Variants in TLN1 observed in about 807,000 individuals in gnomAD.
TLN1 encodes the protein talin-1.
TLN1 carries 56 observed loss-of-function variants against 292.3 expected under a neutral mutation model. That is an observed-to-expected ratio of 0.19 (90% CI 0.15 to 0.24). The LOEUF is 0.24. Among genes scored for constraint, TLN1 ranks in the 10% least tolerant of loss-of-function variants. The pLI is 1.00. For missense variants in TLN1, 2,433 were observed against 3,248.2 expected (o/e 0.75, Z 6.10); for synonymous variants, 1,119 against 1,253.7 (o/e 0.89, Z 2.27).
rs763999167 is a variant in TLN1 at position 35,717,733 on chromosome 9, G to A, written c.2049C>T (p.Val683=). The stretch of plus-strand genomic sequence containing the variant: ...GCTGGGCCACACTCTTGGCCTTGAG[G>A]ACCAGGGCAGCTGCAGCACTTGCCA... ...KAVASAAAAL[V]LKAKSVAQRT... The change falls in exon 18 of 57, where the codon GTC becomes GTT. Residue 683 remains valine, a synonymous_variant. Transcript: ENST00000314888. The surrounding 1 kb of genome is among the most constrained non-coding windows in gnomAD (Gnocchi z 4.7). 1 of 1,612,896 alleles carries A rather than the reference G, an allele frequency of 6.2e-7. No individual in the cohort carries two copies. The highest frequency in any genetic ancestry group is 2.2e-5 in the East Asian group (1 of 44,852).
At chr9:35,702,786 T>G (rs1464089947) in intron 48 of TLN1, among the ~76,000 whole-genome samples, 2 of 151,822 alleles carry the variant, frequency 1.3e-5, no homozygotes, top group African/African-American at 4.8e-5. Context: ...CCTCCCAAAG[T>G]GCTGGCGTGA....
In TLN1 at chr9:35,710,575, C is replaced by T. The variant is rs1240344668; in HGVS notation, c.4312G>A (p.Glu1438Lys). The T allele has an allele frequency of 6.2e-7, 1 of 1,613,454 alleles. No individual in the cohort carries two copies. Among genetic ancestry groups the T allele is most frequent in the East Asian group, 2.2e-5 (1 of 44,878 alleles). Reference sequence around the variant, plus strand: ...AGGAAAATAACCTGTGCAGCTGCCTCGGTGAAGCCACAAAGTGCCTTTGAG... The same window carrying T: ...AGGAAAATAACCTGTGCAGCTGCCTTGGTGAAGCCACAAAGTGCCTTTGAG... ...TASKALCGFT[E>K]AAAQAAYLVG... Residue 1438 changes from glutamate to lysine, a missense_variant, in exon 33 of 57, where the codon GAG becomes AAG. Physicochemically the swap from Glu to Lys is moderately conservative, Grantham distance 56 (BLOSUM62 1). Transcript: ENST00000314888.
rs1825537166 is a variant in TLN1, at chr9:35,704,930, G to A, written c.5734-115C>T. 3 of 1,278,152 alleles carry A rather than the reference G, an allele frequency of 2.3e-6. No homozygotes were observed. Among genetic ancestry groups the A allele is most frequent in the Admixed American group, 5.1e-5 (2 of 39,062 alleles). 79.2% of individuals were successfully genotyped at this position (1,278,152 alleles called of 1,614,324 possible). Reference sequence around the variant, plus strand: ...AAAACATGCATTGTAGACTAAAGAAGCAGAGAGAGAAGGTTCCCAGCACAA... The same window carrying A: ...AAAACATGCATTGTAGACTAAAGAAACAGAGAGAGAAGGTTCCCAGCACAA... On this transcript the variant is annotated intron_variant, in intron 43 of 56. Coordinates refer to ENST00000314888, the MANE Select transcript of TLN1 (RefSeq NM_006289.4). The surrounding 1 kb of genome is among the most constrained non-coding windows in gnomAD (Gnocchi z 6.9).
Position 35,714,003 on chromosome 9 carries a change from C to A in TLN1, c.3199G>T (p.Val1067Leu), listed in dbSNP as rs772738984. 6.2e-7 allele frequency: 1 copy of A among 1,614,198 alleles called. No homozygotes were observed. The highest frequency in any genetic ancestry group is 1.3e-5 in the African/African-American group (1 of 75,060). Residue 1067 changes from valine (V) to leucine (L), a missense_variant, in exon 25 of 57, where the codon GTG (valine) becomes TTG (leucine). By Grantham distance (32) the Val-to-Leu change is conservative. Around this residue, in one of 7 missense-constraint regions of TLN1, gnomAD observed 1,384 missense variants for 1,699.6 expected, o/e 0.81. Transcript: ENST00000314888. This position sits in a 1 kb window ranked among gnomAD's most constrained non-coding sequence, Gnocchi z 4.6. Reference protein sequence around the residue: ...VQNLEKDLQEVKAAARDGKLK... With the variant: ...VQNLEKDLQELKAAARDGKLK... ...TTGCCATCTCGAGCTGCTGCCTTCA[C>A]TTCCTGTAGATCTTTCTCTAGATTC... is the stretch of plus-strand genomic sequence containing the variant.
rs747300285 is a variant in TLN1 at position 35,698,895 on chromosome 9, T to C, written c.7038A>G (p.Leu2346=). Reference sequence around the variant, plus strand: ...CTGCTGCAATGGACTTGGCAGCTTCTAGTATCTGCTCCTCAAAGTTCAAGG... The same window carrying C: ...CTGCTGCAATGGACTTGGCAGCTTCCAGTATCTGCTCCTCAAAGTTCAAGG... ...DESLNFEEQI[L]EAAKSIAAAT... is the part of the protein sequence containing the mutation. The change falls in exon 53 of 57, where the codon CTA becomes CTG. Residue 2346 remains leucine (L), a synonymous_variant. Coordinates refer to ENST00000314888, the MANE Select transcript of TLN1 (RefSeq NM_006289.4). This position sits in a 1 kb window ranked among gnomAD's most constrained non-coding sequence, Gnocchi z 5.3. 8 of 1,614,046 alleles carry C rather than the reference T, an allele frequency of 5.0e-6. No homozygotes were observed. The highest frequency in any genetic ancestry group is 1.3e-5 in the African/African-American group (1 of 74,944).
chr9:35,716,702 T>C, intron 19 of TLN1, 146 bp from the exon 20 acceptor site: 3 of 863,148 alleles, frequency 3.5e-6, no homozygotes, highest in Non-Finnish European at 5.1e-6. Flanking sequence ...CTTGCATCAT[T>C]TCTTTGGGGC....
At chr9:35,701,299 A>G (rs1036089931) in intron 48 of TLN1, among the ~76,000 whole-genome samples, 2 of 152,100 alleles carry the variant, frequency 1.3e-5, no homozygotes, top group African/African-American at 2.4e-5. Context: ...TAATATATAT[A>G]TATTTCTTGC....
Position 35,724,088 on chromosome 9 carries a change from C to T in TLN1, c.655-9G>A. The T allele has an allele frequency of 6.2e-7, 1 of 1,613,454 alleles. No individual in the cohort carries two copies. The highest frequency in any genetic ancestry group is 8.5e-7 in the Non-Finnish European group (1 of 1,179,454). On this transcript the variant is annotated splice_polypyrimidine_tract_variant and intron_variant, in intron 6 of 56. Transcript: ENST00000314888. This position sits in a 1 kb window ranked among gnomAD's most constrained non-coding sequence, Gnocchi z 4.7. ...AGGATGTCATCTCGTGCCTGGAGAG[C>T]ACAGGGCAAGGAGGCGAATGTTGTG... is the stretch of plus-strand genomic sequence containing the variant.
Position 35,714,188 on chromosome 9 carries a change from T to C in TLN1, c.3120+51A>G. On this transcript the variant is annotated intron_variant, in intron 24 of 56. Transcript: ENST00000314888. The surrounding 1 kb of genome is among the most constrained non-coding windows in gnomAD (Gnocchi z 4.6). ...TGGGTTATTCTGCACAGATTTCCTC[T>C]CATCACAGGACTCCAGCCTCATCTT... The C allele has an allele frequency of 6.3e-7, 1 of 1,595,082 alleles. No homozygotes were observed. The highest frequency in any genetic ancestry group is 8.6e-7 in the Non-Finnish European group (1 of 1,166,632).
rs770947806 is a variant in TLN1, at chr9:35,711,013, A to G, written c.4089T>C (p.Cys1363=). The change falls in exon 31 of 57, where the codon TGT becomes TGC. Residue 1363 remains cysteine, a synonymous_variant. Coordinates refer to ENST00000314888, the MANE Select transcript of TLN1 (RefSeq NM_006289.4). The part of the protein sequence containing the change: ...CTQQAPGQKE[C]DNALRELETV... ...CCTCCAATTCCCGCAGGGCGTTATCACACTCCTTCTGGCCGGGTGCCTGCT... is the reference window on the plus strand; with the variant it reads ...CCTCCAATTCCCGCAGGGCGTTATCGCACTCCTTCTGGCCGGGTGCCTGCT... 53 of 1,614,076 alleles carry G rather than the reference A, an allele frequency of 3.3e-5. No homozygotes were observed. Among genetic ancestry groups the G allele is most frequent in the Non-Finnish European group, 4.4e-5 (52 of 1,180,042 alleles).
Position 35,700,033 on chromosome 9 carries a change from G to A in TLN1, c.6709C>T (p.Leu2237=). 6.2e-7 allele frequency: 1 copy of A among 1,613,564 alleles called. No individual in the cohort carries two copies. Among genetic ancestry groups the A allele is most frequent in the Non-Finnish European group, 8.5e-7 (1 of 1,179,668 alleles). Residue 2237 remains leucine, a synonymous_variant, in exon 50 of 57, where the codon CTG becomes TTG. Transcript: ENST00000314888. The stretch of plus-strand genomic sequence containing the variant: ...TTGGCACACTCCCGGCCATAGTGCA[G>A]GGCTCGAAGCCGCACATCAGGGGCC... ...EVAPDVRLRA[L]HYGRECANGY...
Position 35,715,098 on chromosome 9 carries a change from C to A in TLN1, c.2715G>T (p.Ala905=), listed in dbSNP as rs758532800. ...EGLRMATNAA[A]QNAIKKKLVQ... ...CCAGCTTTTTCTTGATGGCATTCTG[C>A]GCAGCTGCATTGGTGGCCATGCGCA... is the stretch of plus-strand genomic sequence containing the variant. The change falls in exon 21 of 57, where the codon GCG becomes GCT. Residue 905 remains alanine (A), a synonymous_variant. Transcript: ENST00000314888. 6.8e-6 allele frequency: 11 copies of A among 1,613,136 alleles called. No homozygotes were observed. The highest frequency in any genetic ancestry group is 5.0e-5 in the Admixed American group (3 of 60,002).
At position 35,715,148 on chromosome 9, in the gene TLN1, G is replaced by T. The variant is rs749822890; in HGVS notation, c.2665C>A (p.Arg889=). ...AGCCCCTCAGCTGCCTCCCGCAGCC[G>T]CTGCTGCTGCTCCTCACTGTCAGGG... ...AHPDSEEQQQ[R]LREAAEGLRM... The change falls in exon 21 of 57, where the codon CGG becomes AGG. Residue 889 remains arginine (R), a synonymous_variant. Coordinates refer to ENST00000314888, the MANE Select transcript of TLN1 (RefSeq NM_006289.4). 3 of 1,612,542 alleles carry T rather than the reference G, an allele frequency of 1.9e-6. No homozygotes were observed. In the South Asian group the frequency reaches 3.3e-5, roughly 18 times the overall value.
rs778194824 is a variant in TLN1, at chr9:35,725,192, G to A, written c.228+32C>T. The A allele has an allele frequency of 8.7e-6, 14 of 1,607,332 alleles. No homozygotes were observed. In the Admixed American group the frequency reaches 1.8e-4, roughly 21 times the overall value. On this transcript the variant is annotated intron_variant, in intron 3 of 56. Coordinates refer to ENST00000314888, the MANE Select transcript of TLN1 (RefSeq NM_006289.4). ...GAACAGGGAGAAGCTGATGGAAGGGGATGTGGTGGTCCTTGATGAAAGGAT... is the reference window on the plus strand; with the variant it reads ...GAACAGGGAGAAGCTGATGGAAGGGAATGTGGTGGTCCTTGATGAAAGGAT...
chr9:35,711,555 T>C, intron 29 of TLN1, 40 bp downstream of exon 29: 2 of 1,613,010 alleles, frequency 1.2e-6, no homozygotes, highest in South Asian at 1.1e-5. Flanking sequence ...ATCTAACCCT[T>C]AGTGGGAACC....
At chr9:35,715,461 AGGTGAGTAG>A (rs1193216948) in intron 20 of TLN1, among the ~76,000 whole-genome samples, 1 of 152,212 alleles carries the variant, frequency 6.6e-6, no homozygotes, top group Non-Finnish European at 1.5e-5. Flanking sequence ...CACACGAGTG[AGGTGAGTAG>A]GGCTTCCTGG....
chr9:35,728,757 C>A (rs1015161095), intron 1 of TLN1, among the ~76,000 whole-genome samples: 17 of 152,230 alleles, frequency 1.1e-4, no homozygotes, highest in African/African-American at 3.9e-4. Flanking sequence ...AGACATTCTC[C>A]ATTCACCCAG....
rs746990760 is a variant in TLN1 at position 35,700,181 on chromosome 9, G to C, written c.6660+10C>G. 2.5e-6 allele frequency: 4 copies of C among 1,596,036 alleles called. No homozygotes were observed. The South Asian group carries it at 4.4e-5, about 18-fold the overall frequency. ...AAGCTGCCTCACGGAAATGCCTCAA[G>C]GATTTCTACCTTGCAAGCCCGAAGC... On this transcript the variant is annotated intron_variant, in intron 49 of 56. Coordinates refer to ENST00000314888, the MANE Select transcript of TLN1 (RefSeq NM_006289.4).
Position 35,724,359 on chromosome 9 carries a change from T to G in TLN1, c.512-25A>C. The stretch of plus-strand genomic sequence containing the variant: ...ACTGGGATACAGACAGTCCCCTCAG[T>G]GCCAAACCCCCATGGCCCCTGTGCT... On this transcript the variant is annotated intron_variant, in intron 5 of 56. Coordinates refer to ENST00000314888, the MANE Select transcript of TLN1 (RefSeq NM_006289.4). This position sits in a 1 kb window ranked among gnomAD's most constrained non-coding sequence, Gnocchi z 4.7. 1 of 1,613,922 alleles carries G rather than the reference T, an allele frequency of 6.2e-7. No individual in the cohort carries two copies. The highest frequency in any genetic ancestry group is 8.5e-7 in the Non-Finnish European group (1 of 1,179,878).
Sources: allele counts gnomAD v4.1 joint callset (sites outside exome capture counted in the v4.1 genomes callset), GRCh38; gene constraint gnomAD v4.1.1; regional missense constraint gnomAD v4.1.1; non-coding constraint Gnocchi (gnomAD v3.1); transcripts MANE v1.5; gene names NCBI Gene and HGNC (gene_info 2026-07-23, HGNC 2026-07-21).